FOXP1: variants seen among roughly 807,000 people sequenced by gnomAD.
The protein encoded by FOXP1 is forkhead box P1, also known as forkhead box protein P1.
Under a neutral mutation model 98.2 loss-of-function variants are expected in FOXP1, and 15 were observed. The observed-to-expected ratio is 0.15, with a 90% CI of 0.10 to 0.24. The LOEUF (loss-of-function observed/expected upper bound fraction) is 0.24, where lower values mean the gene tolerates loss of function less well. FOXP1 is among the 10% of genes least tolerant of loss of function. The pLI is 1.00. For synonymous variants in FOXP1, 371 were observed against 314.5 expected (o/e 1.18, Z -1.90); for missense variants, 633 against 848.5 (o/e 0.75, Z 3.15).
At chr3:71,460,324 C>T (rs968689113) in intron 3 of FOXP1, among the ~76,000 whole-genome samples, 2 of 152,110 alleles carry the variant, frequency 1.3e-5, no homozygotes, top group Admixed American at 6.6e-5. Context: ...ACTGCAACCT[C>T]CACCTCCTGG....
chr3:71,239,615 A>AT lies in FOXP1; in HGVS notation c.-11-41224dup, dbSNP rs1281668177. ...ACATTTCAAAAAAGTATAATATTGG[A>AT]TATGGAATTATAGCCATAGTACAAG... On this transcript the variant is annotated intron_variant, in intron 5 of 20. Coordinates refer to ENST00000649528, the MANE Select transcript of FOXP1 (RefSeq NM_001349338.3). 1.9e-4 allele frequency among the ~76,000 whole-genome samples: 29 copies of AT among 152,196 alleles called. 1 individual carries two copies. The highest frequency in any genetic ancestry group is 6.5e-5 in the Admixed American group (1 of 15,280).
intron 7 of FOXP1, among the ~76,000 whole-genome samples, chr3:71,056,291 CAAT>C (rs1429716951): frequency 2.0e-5 from 3 of 152,150 alleles, no homozygotes; most frequent in Non-Finnish European, 4.4e-5. Flanking sequence ...CCTTAACTGT[CAAT>C]AATAAAAGGG....
chr3:71,213,806 A>G (rs1487210107), intron 5 of FOXP1, among the ~76,000 whole-genome samples: 2 of 152,146 alleles, frequency 1.3e-5, no homozygotes, highest in Non-Finnish European at 2.9e-5. Flanking sequence ...ACAGAGCAAG[A>G]CTCCATTTCA....
chr3:71,191,670 A>G (rs2062986385), intron 6 of FOXP1, among the ~76,000 whole-genome samples: 1 of 152,242 alleles, frequency 6.6e-6, no homozygotes, highest in Non-Finnish European at 1.5e-5. Flanking sequence ...GCAGGTCTAA[A>G]CTAACAGAGT....
intron 19 of FOXP1, chr3:70,966,314 T>C (rs1021764706): frequency 2.0e-6 from 1 of 509,072 alleles, no homozygotes; most frequent in Admixed American, 3.2e-5. Context: ...TTGGTCCTGC[T>C]TGGTAGTCAC....
chr3:71,030,570 C>G (rs1031448163), intron 11 of FOXP1, among the ~76,000 whole-genome samples: 2 of 152,238 alleles, frequency 1.3e-5, no homozygotes, highest in African/African-American at 4.8e-5. Flanking sequence ...GTGGAGCTCA[C>G]AGCTACATTC....
At chr3:71,538,640 T>C (rs1355851092) in intron 2 of FOXP1, among the ~76,000 whole-genome samples, 6 of 152,232 alleles carry the variant, frequency 3.9e-5, no homozygotes, top group Non-Finnish European at 7.3e-5. Context: ...AGCTTTTCTG[T>C]AGATAGACAA....
intron 3 of FOXP1, among the ~76,000 whole-genome samples, chr3:71,466,292 C>A (rs557367210): frequency 6.6e-6 from 1 of 152,196 alleles, no homozygotes; most frequent in African/African-American, 2.4e-5. Context: ...AAAATCTGAA[C>A]AGGCGAGCTG....
At chr3:71,105,669 A>G (rs2057361459) in intron 7 of FOXP1, among the ~76,000 whole-genome samples, 1 of 152,166 alleles carries the variant, frequency 6.6e-6, no homozygotes, top group Admixed American at 6.5e-5. Context: ...TTCCAAACGC[A>G]TGGACGCTCA....
chr3:71,315,162 C>G (rs2074999580), intron 4 of FOXP1, among the ~76,000 whole-genome samples: 1 of 150,830 alleles, frequency 6.6e-6, no homozygotes, highest in Non-Finnish European at 1.5e-5. Context: ...AAACAAGCCC[C>G]TTTATATGAA....
intron 11 of FOXP1, among the ~76,000 whole-genome samples, chr3:71,019,068 C>T (rs1347840213): frequency 6.6e-6 from 1 of 152,172 alleles, no homozygotes; most frequent in Non-Finnish European, 1.5e-5. Context: ...CCAGCTGCAC[C>T]TCTGAATGGG....
intron 2 of FOXP1, chr3:71,572,772 T>G (rs1410478589): frequency 6.6e-6 from 1 of 152,258 alleles, no homozygotes; most frequent in Non-Finnish European, 1.5e-5. Context: ...TCTTCTCTCT[T>G]AAGCCGGGCT....
intron 7 of FOXP1, among the ~76,000 whole-genome samples, chr3:71,064,029 G>A (rs567465402): frequency 6.6e-6 from 1 of 152,096 alleles, no homozygotes; most frequent in South Asian, 2.1e-4. Flanking sequence ...GGTTCAGCTG[G>A]GAGTACCCCG....
In FOXP1 at chr3:71,575,690, G is replaced by A. The variant is rs560847181; in HGVS notation, c.-298+5859C>T. Among the ~76,000 whole-genome samples the A allele has an allele frequency of 9.9e-5, 15 of 152,258 alleles. No homozygotes were observed. The South Asian group carries it at 2.3e-3, about 23-fold the overall frequency. On this transcript the variant is annotated intron_variant, in intron 2 of 20. Coordinates refer to ENST00000649528, the MANE Select transcript of FOXP1 (RefSeq NM_001349338.3). The stretch of plus-strand genomic sequence containing the variant: ...CACACCCTCCCCCAACAAAAGCTGC[G>A]GTCACTGTCCTGAGAGCACCAAGAA...
chr3:71,430,240 G>GCC (rs2084578796), intron 3 of FOXP1, among the ~76,000 whole-genome samples: 1 of 152,174 alleles, frequency 6.6e-6, no homozygotes, highest in South Asian at 2.1e-4. Context: ...TTTCGGCATT[G>GCC]CTAACTCAAT....
chr3:71,042,747 A>C (rs2048519963), intron 10 of FOXP1, among the ~76,000 whole-genome samples: 1 of 152,216 alleles, frequency 6.6e-6, no homozygotes, highest in African/African-American at 2.4e-5. Context: ...TTAAAAAAGA[A>C]GGCTGTGTGC....
At chr3:70,959,568 T>A (rs1276375212) in intron 20 of FOXP1, among the ~76,000 whole-genome samples, 177 bp from the exon 21 acceptor site, 1 of 152,186 alleles carries the variant, frequency 6.6e-6, no homozygotes, top group Non-Finnish European at 1.5e-5. Flanking sequence ...CTTACTACAT[T>A]TAATATTCAG....
chr3:71,287,415 G>A (rs1431630319), intron 5 of FOXP1, among the ~76,000 whole-genome samples: 1 of 152,128 alleles, frequency 6.6e-6, no homozygotes, highest in African/African-American at 2.4e-5. Flanking sequence ...AGAGAATGCA[G>A]TCAGCCGAGA....
chr3:71,138,827 G>A (rs1049514190), intron 6 of FOXP1, among the ~76,000 whole-genome samples: 1 of 151,830 alleles, frequency 6.6e-6, no homozygotes, highest in Non-Finnish European at 1.5e-5. Context: ...TTGGATTACT[G>A]CATTAATTCT....
Sources: allele counts gnomAD v4.1 joint callset (sites outside exome capture counted in the v4.1 genomes callset), GRCh38; gene constraint gnomAD v4.1.1; transcripts MANE v1.5; gene names NCBI Gene and HGNC (gene_info 2026-07-23, HGNC 2026-07-21).